The following NCKAP5 variants were observed in gnomAD, a reference collection of about 807,000 sequenced individuals.
NCKAP5 encodes NCK associated protein 5.
In NCKAP5, 92 loss-of-function variants were observed where a neutral mutation model predicts 167.0. That is an observed-to-expected ratio of 0.55 (90% CI 0.47 to 0.66). NCKAP5 has a LOEUF of 0.66. Ranked by LOEUF, NCKAP5 falls within the 30% of genes least tolerant of loss-of-function variation. NCKAP5 has a pLI of 0.00. For missense variants in NCKAP5, 2,378 were observed against 2,315.0 expected, an observed-to-expected ratio of 1.03 and a Z score of -0.56; for synonymous variants, 891 against 877.4, an observed-to-expected ratio of 1.02 and a Z score of -0.27.
At position 133,419,944 on chromosome 2, in the gene NCKAP5, GA is replaced by G. The variant is rs202127997; in HGVS notation, c.69+97513del. Among the ~76,000 whole-genome samples, 195 of 152,282 alleles carry G rather than the reference GA, an allele frequency of 1.3e-3. 4 individuals are homozygous for G. The East Asian group carries it at 0.034, about 26-fold the overall frequency. On this transcript the variant is annotated intron_variant, in intron 3 of 19. Coordinates refer to ENST00000409261, the MANE Select transcript of NCKAP5 (RefSeq NM_207363.3). ...GTTTATTTTACTCACTTTTGCATAA[GA>G]CTCTAAACATTGCTGAAGACCCACT...
chr2:132,814,628 G>A (rs1686123519), intron 11 of NCKAP5, among the ~76,000 whole-genome samples: 1 of 152,058 alleles, frequency 6.6e-6, no homozygotes, highest in Non-Finnish European at 1.5e-5. Context: ...ATTAGAGGAA[G>A]CTTCTGGAAA....
At chr2:133,258,266 T>C (rs1164748329) in intron 4 of NCKAP5, among the ~76,000 whole-genome samples, 1 of 152,184 alleles carries the variant, frequency 6.6e-6, no homozygotes, top group African/African-American at 2.4e-5. Context: ...TCTGAACTAC[T>C]TGTGACTAGG....
At chr2:133,623,275 T>C in the NCKAP5 span, among the ~76,000 whole-genome samples, 5 of 151,730 alleles carry the variant, frequency 3.3e-5, no homozygotes, top group Admixed American at 2.6e-4. Flanking sequence ...CAAAAGCAAA[T>C]GCAACAAAAA....
At chr2:132,932,110 G>C (rs940710061) in intron 8 of NCKAP5, among the ~76,000 whole-genome samples, 2 of 152,198 alleles carry the variant, frequency 1.3e-5, no homozygotes, top group Non-Finnish European at 2.9e-5. Context: ...TATGCAACTT[G>C]TTAAATGTAA....
At position 132,878,784 on chromosome 2, in the gene NCKAP5, A is replaced by G. The variant is rs1691519469; in HGVS notation, c.648+64T>C. ...ATACTGGTAGCACACACACATTTTG[A>G]GATCAGATTAAGGGAATCCCAACTA... On this transcript the variant is annotated intron_variant, in intron 9 of 19. Coordinates refer to ENST00000409261, the MANE Select transcript of NCKAP5 (RefSeq NM_207363.3). 6 of 1,193,522 alleles carry G rather than the reference A, an allele frequency of 5.0e-6. No individual in the cohort carries two copies. The South Asian group carries it at 7.4e-5, about 15-fold the overall frequency. 73.9% of individuals were successfully genotyped at this position (1,193,522 alleles called of 1,614,324 possible).
At chr2:133,352,445 G>T (rs1027188833) in intron 3 of NCKAP5, among the ~76,000 whole-genome samples, 2 of 152,230 alleles carry the variant, frequency 1.3e-5, no homozygotes, top group Admixed American at 6.5e-5. Context: ...CAGGGCAAGA[G>T]CTGTCCTCCA....
the NCKAP5 span, among the ~76,000 whole-genome samples, chr2:133,602,008 T>C: frequency 1.3e-5 from 2 of 152,180 alleles, no homozygotes; most frequent in African/African-American, 2.4e-5. Flanking sequence ...ATAAATAATG[T>C]TTTAAAATAT....
chr2:132,989,168 T>C (rs1461620788), intron 7 of NCKAP5, among the ~76,000 whole-genome samples: 1 of 152,234 alleles, frequency 6.6e-6, no homozygotes, highest in East Asian at 1.9e-4. Context: ...CCTTTGTTAG[T>C]TCTGTGATTA....
At chr2:132,706,351 A>T (rs1688360062) in intron 19 of NCKAP5, among the ~76,000 whole-genome samples, 1 of 152,222 alleles carries the variant, frequency 6.6e-6, no homozygotes, top group Admixed American at 6.5e-5. Flanking sequence ...AGTTCTGCTG[A>T]TGGAAGGAGG....
chr2:132,974,675 ATC>A (rs2076927175), intron 7 of NCKAP5, among the ~76,000 whole-genome samples: 1 of 152,244 alleles, frequency 6.6e-6, no homozygotes, highest in African/African-American at 2.4e-5. Context: ...TAGTAATTCT[ATC>A]TGAGAATCTG....
intron 4 of NCKAP5, among the ~76,000 whole-genome samples, chr2:133,226,432 T>A (rs576631961): frequency 6.6e-6 from 1 of 151,838 alleles, no homozygotes; most frequent in African/African-American, 2.4e-5. Flanking sequence ...GCATTATGAG[T>A]TGGAAAGTGT....
intron 4 of NCKAP5, among the ~76,000 whole-genome samples, chr2:133,225,053 T>A (rs959690997): frequency 6.6e-6 from 1 of 152,218 alleles, no homozygotes; most frequent in Non-Finnish European, 1.5e-5. Context: ...GCCACCCTGA[T>A]ATTTCTTCTT....
chr2:133,399,243 A>T (rs1687945067), intron 3 of NCKAP5, among the ~76,000 whole-genome samples: 1 of 152,154 alleles, frequency 6.6e-6, no homozygotes, highest in Admixed American at 6.5e-5. Context: ...AGGCCAAGGG[A>T]ACAGCGAAGG....
chr2:133,013,763 C>A (rs1397797143), intron 6 of NCKAP5, among the ~76,000 whole-genome samples: 1 of 150,486 alleles, frequency 6.6e-6, no homozygotes, highest in Non-Finnish European at 1.5e-5. Flanking sequence ...GCTCCTTGAA[C>A]CCTTTTTTTG....
At chr2:133,233,477 G>A (rs909827464) in intron 4 of NCKAP5, among the ~76,000 whole-genome samples, 1 of 152,040 alleles carries the variant, frequency 6.6e-6, no homozygotes, top group African/African-American at 2.4e-5. Flanking sequence ...ACAAGTCCGA[G>A]TTTATAAACA....
At chr2:133,489,028 G>A (rs2151340807) in intron 3 of NCKAP5, among the ~76,000 whole-genome samples, 1 of 152,288 alleles carries the variant, frequency 6.6e-6, no homozygotes, top group East Asian at 1.9e-4. Context: ...GTTTGAGGCT[G>A]CAGTGTGCCA....
intron 4 of NCKAP5, among the ~76,000 whole-genome samples, chr2:133,267,653 A>T (rs2089307764): frequency 6.6e-6 from 1 of 151,478 alleles, no homozygotes. Context: ...AGATTCGCAT[A>T]TTTTTTTTTC....
intron 8 of NCKAP5, among the ~76,000 whole-genome samples, chr2:132,880,382 C>T (rs1691651590): frequency 6.6e-6 from 1 of 152,116 alleles, no homozygotes; most frequent in Non-Finnish European, 1.5e-5. Flanking sequence ...GTAATCCCAG[C>T]ACTTTGGGAG....
chr2:132,827,076 G>A (rs1196967750), intron 11 of NCKAP5, among the ~76,000 whole-genome samples: 3 of 152,192 alleles, frequency 2.0e-5, no homozygotes, highest in Non-Finnish European at 2.9e-5. Context: ...GGTGGTAAAT[G>A]TCATGAGTGT....
Sources: allele counts gnomAD v4.1 joint callset (sites outside exome capture counted in the v4.1 genomes callset), GRCh38; gene constraint gnomAD v4.1.1; transcripts MANE v1.5; gene names NCBI Gene and HGNC (gene_info 2026-07-23, HGNC 2026-07-21).